Variants in PCSK2 observed in about 807,000 individuals in gnomAD.
PCSK2 encodes neuroendocrine convertase 2.
PCSK2 carries 14 observed loss-of-function variants against 69.7 expected under a neutral mutation model. That is an observed-to-expected ratio of 0.20 (90% CI 0.13 to 0.31). The LOEUF (loss-of-function observed/expected upper bound fraction) is 0.31, where lower values mean the gene tolerates loss of function less well. Among genes scored for constraint, PCSK2 ranks in the 10% least tolerant of loss-of-function variants. The pLI is 1.00. For synonymous variants in PCSK2, 307 were observed against 320.7 expected, an observed-to-expected ratio of 0.96 and a Z score of 0.46; for missense variants, 544 against 842.5, an observed-to-expected ratio of 0.65 and a Z score of 4.39.
intron 2 of PCSK2, among the ~76,000 whole-genome samples, chr20:17,357,444 C>T (rs2030240741): frequency 6.6e-6 from 1 of 152,210 alleles, no homozygotes; most frequent in African/African-American, 2.4e-5. Flanking sequence ...CGTGATAGCA[C>T]TGTCAACAAA....
At chr20:17,476,629 A>G (rs1002909865) in intron 11 of PCSK2, among the ~76,000 whole-genome samples, 29 of 152,192 alleles carry the variant, frequency 1.9e-4, no homozygotes, top group African/African-American at 6.8e-4. Context: ...AGGATAATTT[A>G]TCTTGCCAGC....
At chr20:17,419,005 T>C (rs1298016416) in intron 6 of PCSK2, among the ~76,000 whole-genome samples, 4 of 152,064 alleles carry the variant, frequency 2.6e-5, no homozygotes, top group Non-Finnish European at 2.9e-5. Flanking sequence ...GCTGTGAAAA[T>C]AGAAAATAAA....
chr20:17,466,527 A>G (rs1168293915), intron 11 of PCSK2, among the ~76,000 whole-genome samples: 1 of 152,210 alleles, frequency 6.6e-6, no homozygotes, highest in African/African-American at 2.4e-5. Flanking sequence ...CAGAAACCAC[A>G]GCGTTAGTCA....
At chr20:17,380,362 CA>C (rs2031054415) in intron 5 of PCSK2, among the ~76,000 whole-genome samples, 1 of 151,936 alleles carries the variant, frequency 6.6e-6, no homozygotes, top group Non-Finnish European at 1.5e-5. Flanking sequence ...TGCCTATTGC[CA>C]CATGGGGCCC....
rs763234858 is a variant in PCSK2, at chr20:17,360,526, T to C, written c.397-6T>C. ...ACCATTCTCTGCTTTGAAATTCCTG[T>C]ACCAGATCAATACTGGGCAAGCTGA... On this transcript the variant is annotated splice_region_variant and splice_polypyrimidine_tract_variant and intron_variant, in intron 3 of 11. Transcript: ENST00000262545. 3 of 1,580,212 alleles carry C rather than the reference T, an allele frequency of 1.9e-6. No individual in the cohort carries two copies. The highest frequency in any genetic ancestry group is 2.2e-5 in the East Asian group (1 of 44,584).
At chr20:17,247,507 G>T (rs1986812521) in intron 1 of PCSK2, among the ~76,000 whole-genome samples, 1 of 152,286 alleles carries the variant, frequency 6.6e-6, no homozygotes, top group African/African-American at 2.4e-5. Context: ...TACCAAACTA[G>T]ATCCCGACTA....
intron 5 of PCSK2, among the ~76,000 whole-genome samples, chr20:17,372,238 G>A (rs781007617): frequency 6.6e-6 from 1 of 152,056 alleles, no homozygotes; most frequent in Admixed American, 6.6e-5. Context: ...AATTAGCCGG[G>A]CGTGGTGGCA....
chr20:17,260,399 C>A (rs1987333279), intron 2 of PCSK2, 55 bp downstream of exon 2: 2 of 1,245,542 alleles, frequency 1.6e-6, no homozygotes, highest in Non-Finnish European at 2.4e-6. Context: ...GCTGAGCCCA[C>A]CAAGGGGGTG....
rs537064949 is a variant in PCSK2, at chr20:17,358,537, G to C, written c.396+97G>C. The C allele has an allele frequency of 6.0e-5, 43 of 722,140 alleles. No homozygotes were observed. In the African/African-American group the frequency reaches 6.5e-4, roughly 11 times the overall value. The allele number at this position is 722,140 out of a possible 1,614,324, so 44.7% of individuals were successfully genotyped here. ...TCATTATTCACTAGGATGTTAGCCA[G>C]TATCCAACCCAGTGACCCTCTCTGT... On this transcript the variant is annotated intron_variant, in intron 3 of 11. Transcript: ENST00000262545.
At chr20:17,299,956 A>AG (rs1411531744) in intron 2 of PCSK2, among the ~76,000 whole-genome samples, 2 of 152,196 alleles carry the variant, frequency 1.3e-5, no homozygotes, top group Non-Finnish European at 2.9e-5. Context: ...TAGTCTTCTT[A>AG]GAGTCTAGGG....
At chr20:17,263,089 T>G in intron 2 of PCSK2, 1 of 968,228 alleles carries the variant, frequency 1.0e-6, no homozygotes, top group Non-Finnish European at 1.2e-6. Flanking sequence ...GGTAGCTTTT[T>G]GACCAAAGAA....
At chr20:17,471,030 T>C (rs893085096) in intron 11 of PCSK2, among the ~76,000 whole-genome samples, 1 of 152,180 alleles carries the variant, frequency 6.6e-6, no homozygotes, top group Non-Finnish European at 1.5e-5. Context: ...TACCAGGCTA[T>C]ATTTTCTGAG....
At chr20:17,358,495 G>T in intron 3 of PCSK2, 55 bp downstream of exon 3, 1 of 976,058 alleles carries the variant, frequency 1.0e-6, no homozygotes, top group Admixed American at 1.7e-5. Flanking sequence ...CTGGATAAAA[G>T]ATGAATTCCT....
chr20:17,454,146 C>G (rs565932555), intron 9 of PCSK2, among the ~76,000 whole-genome samples, 189 bp downstream of exon 9: 2 of 152,210 alleles, frequency 1.3e-5, no homozygotes, highest in Admixed American at 1.3e-4. Context: ...CTCCCATCTG[C>G]GAGCTAGTAG....
Position 17,227,344 on chromosome 20 carries a change from C to T in PCSK2, c.39C>T (p.Ala13=). 6.2e-7 allele frequency: 1 copy of T among 1,613,966 alleles called. No individual in the cohort carries two copies. Among genetic ancestry groups the T allele is most frequent in the South Asian group, 1.1e-5 (1 of 91,064 alleles). ...GTGTCTCCCAGTGGAAGGCGGCCGC[C>T]GGGTTCCTCTTCTGTGTCATGGTTT... The part of the protein sequence containing the change: ...GGCVSQWKAA[A]GFLFCVMVFA... Residue 13 remains alanine, a synonymous_variant, in exon 1 of 12, where the codon GCC becomes GCT. Transcript: ENST00000262545.
chr20:17,327,327 C>T (rs1444791655), intron 2 of PCSK2, among the ~76,000 whole-genome samples: 1 of 152,106 alleles, frequency 6.6e-6, no homozygotes, highest in Non-Finnish European at 1.5e-5. Flanking sequence ...AGTCTGCTCC[C>T]GGTGGGTCGG....
chr20:17,278,072 A>G (rs1988159559), intron 2 of PCSK2, among the ~76,000 whole-genome samples: 1 of 152,200 alleles, frequency 6.6e-6, no homozygotes, highest in Non-Finnish European at 1.5e-5. Flanking sequence ...AGGAAACAAC[A>G]GGTGCTGGAG....
intron 2 of PCSK2, among the ~76,000 whole-genome samples, chr20:17,335,803 G>T (rs1990333658): frequency 6.6e-6 from 1 of 150,550 alleles, no homozygotes; most frequent in Non-Finnish European, 1.5e-5. Flanking sequence ...GTCCCATCTG[G>T]ATTGCTGCAA....
intron 2 of PCSK2, among the ~76,000 whole-genome samples, 186 bp from the exon 3 acceptor site, chr20:17,358,141 T>A (rs1045070914): frequency 6.3e-5 from 9 of 143,090 alleles, no homozygotes; most frequent in African/African-American, 2.1e-4. Context: ...CCCCCCCTAA[T>A]CTCTACAAAA....
Sources: gnomAD v4.1 joint callset for allele counts (sites outside exome capture counted in the v4.1 genomes callset) on GRCh38, gnomAD v4.1.1 for gene constraint, MANE v1.5 for transcripts, NCBI Gene and HGNC (gene_info 2026-07-23, HGNC 2026-07-21) for gene names.